PTPRN2: variants seen among roughly 807,000 people sequenced by gnomAD.
The protein encoded by PTPRN2 is receptor-type tyrosine-protein phosphatase N2.
PTPRN2 carries 74 observed loss-of-function variants against 118.8 expected under a neutral mutation model. That is an observed-to-expected ratio of 0.62 (90% CI 0.52 to 0.76). PTPRN2 has a LOEUF of 0.76. Among genes scored for constraint, PTPRN2 ranks in the 30% least tolerant of loss-of-function variants. PTPRN2 has a pLI of 0.00. For missense variants in PTPRN2, 1,481 were observed against 1,394.4 expected, an observed-to-expected ratio of 1.06 and a Z score of -0.99; for synonymous variants, 641 against 608.0, an observed-to-expected ratio of 1.05 and a Z score of -0.80.
In PTPRN2 at chr7:157,549,106, T is replaced by G. The variant is rs1798468902; in HGVS notation, c.2903-87A>C. On this transcript the variant is annotated intron_variant, in intron 21 of 22. Transcript: ENST00000389418. ...AATCTCCTGCTAGCCACGTTCCCTC[T>G]GGGCTGAGAGGCCAATTGAAAATTA... The G allele has an allele frequency of 3.0e-6, 4 of 1,319,006 alleles. No homozygotes were observed. In the South Asian group the frequency reaches 4.7e-5, roughly 16 times the overall value. 81.7% of individuals were successfully genotyped at this position (1,319,006 alleles called of 1,614,324 possible). A position where few individuals can be genotyped will look rare whatever the true frequency, so the allele number is the denominator to read the frequency against.
chr7:158,172,568 C>T (rs1316005392), intron 5 of PTPRN2, among the ~76,000 whole-genome samples: 8 of 151,058 alleles, frequency 5.3e-5, no homozygotes, highest in Non-Finnish European at 1.0e-4. Flanking sequence ...TCTCCACCAT[C>T]CACAACAGCA....
At chr7:158,518,165 T>C (rs977673399) in intron 1 of PTPRN2, among the ~76,000 whole-genome samples, 1 of 152,232 alleles carries the variant, frequency 6.6e-6, no homozygotes, top group East Asian at 1.9e-4. Flanking sequence ...TAGAGCCCAA[T>C]AGTTCTTACT....
chr7:158,238,363 G>A (rs921810463), intron 3 of PTPRN2, among the ~76,000 whole-genome samples: 3 of 152,030 alleles, frequency 2.0e-5, no homozygotes, highest in Non-Finnish European at 4.4e-5. Flanking sequence ...AAATAAAGCG[G>A]GGGGTGTGGG....
chr7:158,428,512 C>T (rs758771429), intron 2 of PTPRN2, among the ~76,000 whole-genome samples: 1 of 152,212 alleles, frequency 6.6e-6, no homozygotes, highest in Non-Finnish European at 1.5e-5. Context: ...TGGTTGAGAT[C>T]GCAGTATTGG....
intron 12 of PTPRN2, among the ~76,000 whole-genome samples, chr7:157,866,586 T>C (rs548760161): frequency 5.3e-5 from 8 of 152,120 alleles, no homozygotes; most frequent in East Asian, 3.9e-4. Flanking sequence ...AACACGTCCA[T>C]AGAGGTGGAG....
chr7:158,188,357 C>A lies in PTPRN2; in HGVS notation c.549+3970G>T, dbSNP rs1228472893. On this transcript the variant is annotated intron_variant, in intron 5 of 22. Coordinates refer to ENST00000389418, the MANE Select transcript of PTPRN2 (RefSeq NM_002847.5). ...CTGATGGGGAAGGCCGCCACGCTCG[C>A]CGCCTGATGGGGAAGGCCGCCACGC... 4.7e-5 allele frequency among the ~76,000 whole-genome samples: 2 copies of A among 42,500 alleles called. 1 individual carries two copies. 27.9% of individuals were successfully genotyped at this position (42,500 alleles called of 152,430 possible). A position where few individuals can be genotyped will look rare whatever the true frequency, so the allele number is the denominator to read the frequency against.
Position 157,548,806 on chromosome 7 carries a change from G to T in PTPRN2, c.2976+140C>A, listed in dbSNP as rs550178948. On this transcript the variant is annotated intron_variant, in intron 22 of 22. Transcript: ENST00000389418. ...AAGTGACCCCGCCCATGCAAGGCCG[G>T]CATGGACGAGGCCGGTCAGAGCAGA... The T allele has an allele frequency of 1.8e-5, 15 of 848,728 alleles. No homozygotes were observed. In the African/African-American group the frequency reaches 2.5e-4, roughly 14 times the overall value. 52.6% of individuals were successfully genotyped at this position (848,728 alleles called of 1,614,324 possible). A position where few individuals can be genotyped will look rare whatever the true frequency, so the allele number is the denominator to read the frequency against.
chr7:158,095,580 T>C (rs1814566235), intron 10 of PTPRN2, among the ~76,000 whole-genome samples: 1 of 152,138 alleles, frequency 6.6e-6, no homozygotes, highest in Admixed American at 6.6e-5. Flanking sequence ...GTCAAACCCA[T>C]GTGCCTTTGA....
chr7:158,342,863 G>A (rs914159012), intron 2 of PTPRN2, among the ~76,000 whole-genome samples: 8 of 151,914 alleles, frequency 5.3e-5, no homozygotes, highest in South Asian at 4.2e-4. Context: ...TCATCATCGT[G>A]CTCACTTGAG....
chr7:157,773,802 C>T (rs751521312), intron 12 of PTPRN2, among the ~76,000 whole-genome samples: 7 of 152,192 alleles, frequency 4.6e-5, no homozygotes, highest in Non-Finnish European at 1.0e-4. Flanking sequence ...CAGTTCTGGA[C>T]TCTTTGTGAT....
In PTPRN2 at chr7:158,096,925, C is replaced by CT. The variant is rs532463900; in HGVS notation, c.1643+13903dup. Among the ~76,000 whole-genome samples the CT allele has an allele frequency of 1.9e-4, 29 of 152,352 alleles. 1 individual carries two copies. Among genetic ancestry groups the CT allele is most frequent in the Admixed American group, 4.6e-4 (7 of 15,308 alleles). On this transcript the variant is annotated intron_variant, in intron 10 of 22. Transcript: ENST00000389418. ...GGGCTCTTGGCTTTGAGTGATATTACTAACGCACAGCACTGTCGCTGCAGT... is the reference window on the plus strand; with the variant it reads ...GGGCTCTTGGCTTTGAGTGATATTACTTAACGCACAGCACTGTCGCTGCAGT...
chr7:157,682,842 G>T lies in PTPRN2; in HGVS notation c.1884C>A (p.Gly628=). Residue 628 remains glycine, a synonymous_variant, in exon 13 of 23, where the codon GGC becomes GGA. Coordinates refer to ENST00000389418, the MANE Select transcript of PTPRN2 (RefSeq NM_002847.5). ...AGATGAGGCCAGAGGCCAGGAGGAC[G>T]CCCAGGATGCAGGCGAGGGAGACCA... ...LTLVSLACIL[G]VLLASGLIYC... The T allele has an allele frequency of 6.2e-7, 1 of 1,613,902 alleles. No individual in the cohort carries two copies. Among genetic ancestry groups the T allele is most frequent in the South Asian group, 1.1e-5 (1 of 91,078 alleles).
intron 2 of PTPRN2, among the ~76,000 whole-genome samples, chr7:158,430,232 A>G (rs1211173841): frequency 1.3e-5 from 2 of 152,166 alleles, no homozygotes; most frequent in Non-Finnish European, 2.9e-5. Context: ...TTAAACAACA[A>G]TGCTTTGTAA....
intron 11 of PTPRN2, among the ~76,000 whole-genome samples, chr7:157,914,975 A>G (rs979959937): frequency 6.6e-6 from 1 of 152,138 alleles, no homozygotes; most frequent in Non-Finnish European, 1.5e-5. Flanking sequence ...TTCTATTATT[A>G]TATCTTTCAT....
chr7:158,405,022 G>GCCCCAGCTCCCCGGC (rs531271405), intron 2 of PTPRN2, among the ~76,000 whole-genome samples: 1 of 117,000 alleles, frequency 8.5e-6, no homozygotes, highest in Non-Finnish European at 1.8e-5. Flanking sequence ...CAGCTCCCCG[G>GCCCCAGCTCCCCGGC]CCCCAGCTCC....
chr7:158,410,240 T>C (rs1046219338), intron 2 of PTPRN2, among the ~76,000 whole-genome samples: 1 of 152,090 alleles, frequency 6.6e-6, no homozygotes. Context: ...GCTCCCTCTC[T>C]AGAGAGCCTC....
At chr7:158,583,579 GAGA>G (rs758450249) in intron 1 of PTPRN2, among the ~76,000 whole-genome samples, 29 of 152,158 alleles carry the variant, frequency 1.9e-4, no homozygotes, top group Non-Finnish European at 3.2e-4. Flanking sequence ...GCTCAGCACT[GAGA>G]AGAAGTCATT....
rs114080794 is a variant in PTPRN2, at chr7:158,283,432, A to G, written c.277+33387T>C. On this transcript the variant is annotated intron_variant, in intron 3 of 22. Transcript: ENST00000389418. ...CAGGAGACAGAGCAAAACCACTGAGACCACCACTGAGAGGGTAACCAGGCT... is the reference window on the plus strand; with the variant it reads ...CAGGAGACAGAGCAAAACCACTGAGGCCACCACTGAGAGGGTAACCAGGCT... Among the ~76,000 whole-genome samples the G allele has an allele frequency of 9.1e-3, 1,388 of 152,216 alleles. 24 individuals are homozygous for G. Among genetic ancestry groups the G allele is most frequent in the African/African-American group, 0.032 (1,318 of 41,538 alleles).
chr7:157,933,662 C>T (rs970074679), intron 11 of PTPRN2, among the ~76,000 whole-genome samples: 1 of 149,818 alleles, frequency 6.7e-6, no homozygotes, highest in Admixed American at 6.6e-5. Context: ...GTGAGTCACT[C>T]TGATTGACAC....
Sources: allele counts gnomAD v4.1 joint callset (sites outside exome capture counted in the v4.1 genomes callset), GRCh38; gene constraint gnomAD v4.1.1; transcripts MANE v1.5; gene names NCBI Gene and HGNC (gene_info 2026-07-23, HGNC 2026-07-21).